DUSP14: variants seen among roughly 807,000 people sequenced by gnomAD.
DUSP14 encodes dual specificity phosphatase 14.
A neutral mutation model predicts 13.2 loss-of-function variants in DUSP14; 5 were observed. The observed-to-expected ratio is 0.38, with a 90% CI of 0.20 to 0.80. The LOEUF (loss-of-function observed/expected upper bound fraction) is 0.80, where lower values mean the gene tolerates loss of function less well. Among genes scored for constraint, DUSP14 ranks in the 30% least tolerant of loss-of-function variants. The pLI, the probability that DUSP14 is intolerant of heterozygous loss-of-function variation, is 0.44. For synonymous variants in DUSP14, 91 were observed against 103.4 expected, an observed-to-expected ratio of 0.88 and a Z score of 0.73; for missense variants, 185 against 264.0, an observed-to-expected ratio of 0.70 and a Z score of 2.07.
At chr17:37,497,484 T>A (rs970328056) in intron 1 of DUSP14, among the ~76,000 whole-genome samples, 4 of 151,860 alleles carry the variant, frequency 2.6e-5, no homozygotes, top group Admixed American at 2.0e-4. Context: ...CATAGAGGCC[T>A]GGTGTGGTGG....
rs1473805861 is a variant in DUSP14, at chr17:37,504,738, C to T, written c.-180-5939C>T. ...GATTATAGGCGCATGAAACCATGCCCGGCTAATTTTTAAAATTTTTTTTGC... is the reference window on the plus strand; with the variant it reads ...GATTATAGGCGCATGAAACCATGCCTGGCTAATTTTTAAAATTTTTTTTGC... On this transcript the variant is annotated intron_variant, in intron 1 of 2. Coordinates refer to ENST00000617516, the MANE Select transcript of DUSP14 (RefSeq NM_007026.4). Among the ~76,000 whole-genome samples, 11 of 151,858 alleles carry T rather than the reference C, an allele frequency of 7.2e-5. No individual in the cohort carries two copies. In the South Asian group the frequency reaches 1.5e-3, roughly 20 times the overall value.
In DUSP14 at chr17:37,510,757, T is replaced by C. The variant is rs2054178362; in HGVS notation, c.-100T>C. The C allele has an allele frequency of 6.6e-6, 1 of 152,210 alleles. No homozygotes were observed. Among genetic ancestry groups the C allele is most frequent in the South Asian group, 2.1e-4 (1 of 4,832 alleles). 9.4% of individuals were successfully genotyped at this position (152,210 alleles called of 1,614,324 possible). On this transcript the variant is annotated 5_prime_UTR_variant, in exon 2 of 3. Coordinates refer to ENST00000617516, the MANE Select transcript of DUSP14 (RefSeq NM_007026.4). Reference sequence around the variant, plus strand: ...GACCCAGGCAGCGCACACTGGACTCTTGAGGAAGTGAGTACCCCACCACTG... The same window carrying C: ...GACCCAGGCAGCGCACACTGGACTCCTGAGGAAGTGAGTACCCCACCACTG...
At chr17:37,508,570 C>A (rs1461429713) in intron 1 of DUSP14, among the ~76,000 whole-genome samples, 1 of 151,930 alleles carries the variant, frequency 6.6e-6, no homozygotes, top group African/African-American at 2.4e-5. Flanking sequence ...TCCGTCTCTA[C>A]TTAAAGTACA....
At chr17:37,505,954 C>G (rs2054135180) in intron 1 of DUSP14, among the ~76,000 whole-genome samples, 1 of 152,138 alleles carries the variant, frequency 6.6e-6, no homozygotes, top group Admixed American at 6.6e-5. Flanking sequence ...CCAGCATCGT[C>G]TCTGAGAAGA....
Position 37,493,550 on chromosome 17 carries a change from G to C in DUSP14, c.-181+3592G>C, listed in dbSNP as rs2054043040. Among the ~76,000 whole-genome samples, 3 of 152,084 alleles carry C rather than the reference G, an allele frequency of 2.0e-5. No homozygotes were observed. In the South Asian group the frequency reaches 6.2e-4, roughly 32 times the overall value. On this transcript the variant is annotated intron_variant, in intron 1 of 2. Transcript: ENST00000617516. ...AAGGTCCCTGGGTAGTCCGATCCCTGGCCTGTCATGTGCTAGCGTATTTTT... is the reference window on the plus strand; with the variant it reads ...AAGGTCCCTGGGTAGTCCGATCCCTCGCCTGTCATGTGCTAGCGTATTTTT...
intron 1 of DUSP14, among the ~76,000 whole-genome samples, chr17:37,499,898 C>T (rs1204533400): frequency 2.0e-5 from 3 of 152,200 alleles, no homozygotes; most frequent in African/African-American, 7.2e-5. Context: ...ATTGTGTTTC[C>T]AGACAGTATT....
At chr17:37,509,721 G>T (rs1044723409) in intron 1 of DUSP14, among the ~76,000 whole-genome samples, 1 of 151,998 alleles carries the variant, frequency 6.6e-6, no homozygotes, top group African/African-American at 2.4e-5. Flanking sequence ...GCCTGGGAAT[G>T]GGGTAAAGAG....
chr17:37,504,246 G>A (rs906157156), intron 1 of DUSP14, among the ~76,000 whole-genome samples: 2 of 152,160 alleles, frequency 1.3e-5, no homozygotes, highest in African/African-American at 4.8e-5. Context: ...CAAATGCAGT[G>A]TGAACAGGCG....
chr17:37,504,016 A>G (rs1331916368), intron 1 of DUSP14, among the ~76,000 whole-genome samples: 2 of 152,210 alleles, frequency 1.3e-5, no homozygotes, highest in African/African-American at 4.8e-5. Context: ...CAACATGGTG[A>G]AACCCTGTCT....
At chr17:37,498,338 T>TTTTC (rs2054080266) in intron 1 of DUSP14, among the ~76,000 whole-genome samples, 2 of 94,192 alleles carry the variant, frequency 2.1e-5, no homozygotes, top group African/African-American at 9.5e-5. Flanking sequence ...TTTTTTTTTT[T>TTTTC]TTTTTTGAGA....
At chr17:37,498,627 A>G (rs1232680849) in intron 1 of DUSP14, among the ~76,000 whole-genome samples, 1 of 151,402 alleles carries the variant, frequency 6.6e-6, no homozygotes, top group East Asian at 1.9e-4. Flanking sequence ...CACCCGGCCT[A>G]GATTGTATCT....
chr17:37,501,081 T>TA (rs1253462918), intron 1 of DUSP14, among the ~76,000 whole-genome samples: 1 of 152,196 alleles, frequency 6.6e-6, no homozygotes, highest in Non-Finnish European at 1.5e-5. Flanking sequence ...ATTTTCAATG[T>TA]AGAGTCTGGG....
chr17:37,507,929 C>A (rs2054148563), intron 1 of DUSP14, among the ~76,000 whole-genome samples: 1 of 152,222 alleles, frequency 6.6e-6, no homozygotes, highest in African/African-American at 2.4e-5. Context: ...TGGCAGGAGA[C>A]CCTGCTCTGC....
Position 37,504,396 on chromosome 17 carries a change from T to C in DUSP14, c.-180-6281T>C, listed in dbSNP as rs974823330. Among the ~76,000 whole-genome samples the C allele has an allele frequency of 3.3e-5, 5 of 152,296 alleles. No individual in the cohort carries two copies. The East Asian group carries it at 7.7e-4, about 23-fold the overall frequency. The stretch of plus-strand genomic sequence containing the variant: ...TCAGTCTTTGGCTTTATGTATCTTA[T>C]GTGTATTTATCCTCATCATATCCTC... On this transcript the variant is annotated intron_variant, in intron 1 of 2. Transcript: ENST00000617516.
intron 1 of DUSP14, among the ~76,000 whole-genome samples, chr17:37,502,571 A>G (rs984634188): frequency 7.9e-5 from 12 of 152,210 alleles, no homozygotes; most frequent in African/African-American, 2.6e-4. Context: ...TTTGCTTCAC[A>G]ATGTCCGAGG....
At chr17:37,493,994 C>CT (rs1250993098) in intron 1 of DUSP14, among the ~76,000 whole-genome samples, 9,010 of 140,128 alleles carry the variant, frequency 0.064, 948 homozygotes, top group African/African-American at 0.21. Context: ...CTCTTTTAAA[C>CT]TTTTTTTTTT....
At chr17:37,504,378 TTGGC>T (rs960593309) in intron 1 of DUSP14, among the ~76,000 whole-genome samples, 8 of 152,222 alleles carry the variant, frequency 5.3e-5, no homozygotes, top group Non-Finnish European at 1.0e-4. Flanking sequence ...CTCTCAGTCT[TTGGC>T]TTTATGTATC....
Position 37,512,800 on chromosome 17 carries a change from A to G in DUSP14, c.528A>G (p.Thr176=). 6.2e-7 allele frequency: 1 copy of G among 1,613,672 alleles called. No homozygotes were observed. The highest frequency in any genetic ancestry group is 8.5e-7 in the Non-Finnish European group (1 of 1,179,964). ...FGKSTVKMVQ[T]PYGIVPDVYE... is the part of the protein sequence containing the mutation. ...AGTCGACAGTTAAAATGGTACAGAC[A>G]CCTTATGGCATAGTTCCCGACGTCT... is the stretch of plus-strand genomic sequence containing the variant. The change falls in exon 3 of 3, where the codon ACA becomes ACG. Residue 176 remains threonine, a synonymous_variant. Transcript: ENST00000617516. This position sits in a 1 kb window ranked among gnomAD's most constrained non-coding sequence, Gnocchi z 4.8.
chr17:37,505,933 A>G (rs575173541), intron 1 of DUSP14, among the ~76,000 whole-genome samples: 2 of 152,250 alleles, frequency 1.3e-5, no homozygotes, highest in African/African-American at 4.8e-5. Context: ...GATGCTTATT[A>G]TCCAAAAAGA....
Sources: gnomAD v4.1 joint callset for allele counts (sites outside exome capture counted in the v4.1 genomes callset) on GRCh38, gnomAD v4.1.1 for gene constraint, Gnocchi (gnomAD v3.1) non-coding constraint, MANE v1.5 for transcripts, NCBI Gene and HGNC (gene_info 2026-07-23, HGNC 2026-07-21) for gene names.